WDR70: variants seen among roughly 807,000 people sequenced by gnomAD.
The protein encoded by WDR70 is WD repeat domain 70.
In WDR70, 53 loss-of-function variants were observed where a neutral mutation model predicts 88.6. That is an observed-to-expected ratio of 0.60 (90% confidence interval 0.48 to 0.75). The LOEUF (loss-of-function observed/expected upper bound fraction) is 0.75. Ranked by LOEUF, WDR70 falls within the 30% of genes least tolerant of loss-of-function variation. The pLI is 0.00. For synonymous variants in WDR70, 280 were observed against 270.0 expected (o/e 1.04, Z -0.36); for missense variants, 610 against 823.2 (o/e 0.74, Z 3.17).
intron 5 of WDR70, among the ~76,000 whole-genome samples, chr5:37,436,788 A>G (rs1392085956): frequency 1.3e-5 from 2 of 152,126 alleles, no homozygotes; most frequent in East Asian, 3.9e-4. Flanking sequence ...TTTTTTTACT[A>G]TGGTAAGTAT....
intron 5 of WDR70, among the ~76,000 whole-genome samples, chr5:37,402,996 G>T (rs1749248947): frequency 8.4e-6 from 1 of 118,806 alleles, no homozygotes; most frequent in East Asian, 2.8e-4. Flanking sequence ...ACCCAGCCTG[G>T]AGTGCACTGG....
At position 37,702,901 on chromosome 5, in the gene WDR70, T is replaced by A. The variant is rs745994549; in HGVS notation, c.1278-48T>A. 9.0e-6 allele frequency: 14 copies of A among 1,556,138 alleles called. No homozygotes were observed. In the South Asian group the frequency reaches 1.6e-4, roughly 18 times the overall value. Reference sequence around the variant, plus strand: ...TTTAATTCACTAATGATTGCTGGACTGTTGTGGAGGTCATAAGCTTATACT... The same window carrying A: ...TTTAATTCACTAATGATTGCTGGACAGTTGTGGAGGTCATAAGCTTATACT... On this transcript the variant is annotated intron_variant, in intron 12 of 17. Transcript: ENST00000265107.
chr5:37,630,815 G>A (rs779492694), intron 10 of WDR70, among the ~76,000 whole-genome samples: 3 of 152,188 alleles, frequency 2.0e-5, no homozygotes, highest in African/African-American at 7.2e-5. Context: ...AGGTGCCTCA[G>A]GTAACAAGAT....
At chr5:37,751,702 G>GT (rs1396470285) in intron 17 of WDR70, among the ~76,000 whole-genome samples, 5 of 152,198 alleles carry the variant, frequency 3.3e-5, no homozygotes, top group Admixed American at 1.3e-4. Context: ...CGATAGAGCT[G>GT]TTTTTTAAAA....
intron 5 of WDR70, among the ~76,000 whole-genome samples, chr5:37,412,944 A>C (rs1017867397): frequency 6.6e-6 from 1 of 152,234 alleles, no homozygotes; most frequent in African/African-American, 2.4e-5. Flanking sequence ...TGTTTTCATC[A>C]TCAATACCAA....
At chr5:37,496,856 G>T (rs1740232315) in intron 8 of WDR70, among the ~76,000 whole-genome samples, 1 of 152,154 alleles carries the variant, frequency 6.6e-6, no homozygotes, top group Non-Finnish European at 1.5e-5. Context: ...AGATAAGCAG[G>T]CTATGCATTG....
intron 10 of WDR70, among the ~76,000 whole-genome samples, chr5:37,641,560 A>G (rs1052673893): frequency 2.0e-5 from 3 of 151,644 alleles, no homozygotes; most frequent in African/African-American, 7.3e-5. Flanking sequence ...GGGATTACAG[A>G]CATGTGCCAC....
At chr5:37,674,392 C>A (rs1475032276) in intron 10 of WDR70, among the ~76,000 whole-genome samples, 2 of 152,008 alleles carry the variant, frequency 1.3e-5, no homozygotes, top group Admixed American at 6.6e-5. Flanking sequence ...CTTCCCCAAC[C>A]CCACAACAGT....
intron 9 of WDR70, among the ~76,000 whole-genome samples, chr5:37,542,111 C>G (rs1317323625): frequency 6.6e-6 from 1 of 152,120 alleles, no homozygotes; most frequent in Admixed American, 6.5e-5. Context: ...AATTTAGGCT[C>G]TCAGTGATAT....
chr5:37,734,081 G>C, intron 17 of WDR70, among the ~76,000 whole-genome samples: 1 of 151,652 alleles, frequency 6.6e-6, no homozygotes, highest in East Asian at 1.9e-4. Context: ...ACTTAGCTTG[G>C]GGTGTATAGG....
intron 9 of WDR70, among the ~76,000 whole-genome samples, chr5:37,565,652 G>A (rs189220279): frequency 7.2e-5 from 11 of 152,152 alleles, no homozygotes; most frequent in Non-Finnish European, 1.2e-4. Flanking sequence ...AGGAAAACAG[G>A]TGTCTTTATA....
At chr5:37,385,361 C>G (rs1257622257) in intron 3 of WDR70, among the ~76,000 whole-genome samples, 1 of 151,534 alleles carries the variant, frequency 6.6e-6, no homozygotes, top group Non-Finnish European at 1.5e-5. Context: ...TTCAAAAAAT[C>G]TTACAAAAAT....
intron 8 of WDR70, among the ~76,000 whole-genome samples, chr5:37,497,735 A>G (rs1490861370): frequency 6.6e-6 from 1 of 152,118 alleles, no homozygotes; most frequent in Non-Finnish European, 1.5e-5. Flanking sequence ...AAAGAGATTA[A>G]TGGGACCCTT....
At chr5:37,715,381 A>G (rs1747626160) in intron 13 of WDR70, among the ~76,000 whole-genome samples, 1 of 150,150 alleles carries the variant, frequency 6.7e-6, no homozygotes, top group African/African-American at 2.4e-5. Context: ...AGTCTGGCCC[A>G]TGGTAGAATT....
At chr5:37,543,165 G>A (rs1021310236) in intron 9 of WDR70, among the ~76,000 whole-genome samples, 2 of 152,168 alleles carry the variant, frequency 1.3e-5, no homozygotes, top group Admixed American at 1.3e-4. Flanking sequence ...TTGTCAGAGA[G>A]CTTAGCCTAG....
chr5:37,401,682 A>T (rs1334096399), intron 5 of WDR70, among the ~76,000 whole-genome samples: 1 of 152,018 alleles, frequency 6.6e-6, no homozygotes, highest in Admixed American at 6.6e-5. Flanking sequence ...TGCTGGTCTC[A>T]CCTGGGCTCA....
intron 7 of WDR70, among the ~76,000 whole-genome samples, chr5:37,463,547 A>G (rs1187524997): frequency 2.6e-5 from 4 of 152,032 alleles, no homozygotes; most frequent in Non-Finnish European, 5.9e-5. Flanking sequence ...TTCCACTTCT[A>G]CTCATATACT....
chr5:37,677,286 G>A (rs369906767), intron 10 of WDR70, among the ~76,000 whole-genome samples: 1 of 151,666 alleles, frequency 6.6e-6, no homozygotes, highest in Non-Finnish European at 1.5e-5. Context: ...GCTTTTGAAT[G>A]TGTTTGCTCT....
intron 7 of WDR70, among the ~76,000 whole-genome samples, chr5:37,452,261 A>T (rs1738698820): frequency 6.8e-6 from 1 of 146,942 alleles, no homozygotes; most frequent in Admixed American, 7.0e-5. Flanking sequence ...CTTTATTTTG[A>T]GACTGATTTT....
Sources: allele counts gnomAD v4.1 joint callset (sites outside exome capture counted in the v4.1 genomes callset), GRCh38; gene constraint gnomAD v4.1.1; transcripts MANE v1.5; gene names NCBI Gene and HGNC (gene_info 2026-07-23, HGNC 2026-07-21).